Variants in MKS1 observed in about 807,000 individuals in gnomAD.
MKS1 encodes the protein tectonic-like complex member MKS1.
MKS1 carries 70 observed loss-of-function variants against 83.7 expected under a neutral mutation model. The observed-to-expected ratio is 0.84, with a 90% confidence interval of 0.69 to 1.02. MKS1 has a LOEUF of 1.02. Ranked by LOEUF, MKS1 falls within the 50% of genes least tolerant of loss-of-function variation. MKS1 has a pLI of 0.00. For missense variants in MKS1, 681 were observed against 726.9 expected (o/e 0.94, Z 0.73); for synonymous variants, 251 against 273.4 (o/e 0.92, Z 0.81).
intron 11 of MKS1, among the ~76,000 whole-genome samples, chr17:58,210,344 C>T (rs991313332): frequency 2.0e-5 from 3 of 151,856 alleles, no homozygotes; most frequent in Non-Finnish European, 4.4e-5. Flanking sequence ...GGTACTCTCA[C>T]GGTTTAAGAT....
Position 58,214,407 on chromosome 17 carries a change from G to T in MKS1, c.516-20C>A, listed in dbSNP as rs1156897223. The T allele has an allele frequency of 6.2e-7, 1 of 1,612,464 alleles. No individual in the cohort carries two copies. Among genetic ancestry groups the T allele is most frequent in the South Asian group, 1.1e-5 (1 of 91,000 alleles). ...CCCTCCCTGGGAGACACCACAGAAA[G>T]GTCACTTCCCTGGCACACCCCAATG... is the stretch of plus-strand genomic sequence containing the variant. On this transcript the variant is annotated intron_variant, in intron 5 of 17. Coordinates refer to ENST00000393119, the MANE Select transcript of MKS1 (RefSeq NM_017777.4).
At position 58,208,122 on chromosome 17, in the gene MKS1, T is replaced by C. The variant is rs1337963181; in HGVS notation, c.1148A>G (p.His383Arg). 2.5e-6 allele frequency: 4 copies of C among 1,613,424 alleles called. No homozygotes were observed. Among genetic ancestry groups the C allele is most frequent in the Non-Finnish European group, 3.4e-6 (4 of 1,179,418 alleles). The part of the protein sequence containing the change: ...YPFTFEAFFL[H>R]EDESSDALPE... ...CTACTCACCAGAAGATTCATCCTCATGGAGGAAGAAGGCTTCAAACGTGAA... is the reference window on the plus strand; with the variant it reads ...CTACTCACCAGAAGATTCATCCTCACGGAGGAAGAAGGCTTCAAACGTGAA... The change falls in exon 13 of 18, where the codon CAT becomes CGT. Residue 383 changes from histidine to arginine, a missense_variant. Physicochemically the swap from His to Arg is conservative, Grantham distance 29. Coordinates refer to ENST00000393119, the MANE Select transcript of MKS1 (RefSeq NM_017777.4).
intron 11 of MKS1, 84 bp from the exon 12 acceptor site, chr17:58,208,667 T>A: frequency 2.2e-6 from 1 of 457,998 alleles, no homozygotes; most frequent in African/African-American, 2.2e-5. Context: ...TTTTCTTTTC[T>A]TTTTTTTTTT....
At chr17:58,218,338 C>G (rs1969360108) in intron 2 of MKS1, among the ~76,000 whole-genome samples, 2 of 150,188 alleles carry the variant, frequency 1.3e-5, no homozygotes, top group African/African-American at 2.5e-5. Flanking sequence ...GTCCCAGCTA[C>G]TCGGGAGGCT....
chr17:58,218,669 G>C lies in MKS1; in HGVS notation c.141C>G (p.Leu47=). The C allele has an allele frequency of 6.2e-7, 1 of 1,613,950 alleles. No homozygotes were observed. The highest frequency in any genetic ancestry group is 1.1e-5 in the South Asian group (1 of 91,062). ...NFLHYQPAAE[L]GKDLIDLATF... ...TGGCCAAGTCTATGAGGTCCTTCCC[G>C]AGCTCGGCAGCAGGCTGATAATGAA... The change falls in exon 2 of 18, where the codon CTC becomes CTG. Residue 47 remains leucine, a synonymous_variant. Coordinates refer to ENST00000393119, the MANE Select transcript of MKS1 (RefSeq NM_017777.4).
intron 4 of MKS1, 116 bp from the exon 5 acceptor site, chr17:58,214,954 C>G: frequency 6.8e-7 from 1 of 1,477,034 alleles, no homozygotes; most frequent in Middle Eastern, 2.2e-4. Context: ...CCACAGGTTC[C>G]GCCACCTCAC....
At chr17:58,212,242 T>C (rs1266981861) in intron 9 of MKS1, 136 bp downstream of exon 9, 5 of 1,004,476 alleles carry the variant, frequency 5.0e-6, no homozygotes, top group Middle Eastern at 2.0e-4. Context: ...AAGGACTATA[T>C]GTGCTATTCT....
At position 58,206,321 on chromosome 17, in the gene MKS1, TC is replaced by T; in HGVS notation, c.1549del (p.Glu517LysfsTer13). The part of the protein sequence containing the change: ...KRMRSVLDRL[E>X]GFSQQSSIHN... ...AATGGAACTCTGCTGGCTGAACCCT[TC>T]CAGACGGTCCAACACACTCCGCATC... On this transcript the variant is annotated frameshift_variant, in exon 17 of 18. Coordinates refer to ENST00000393119, the MANE Select transcript of MKS1 (RefSeq NM_017777.4). LOFTEE classifies it high-confidence loss of function. The T allele has an allele frequency of 6.2e-7, 1 of 1,614,024 alleles. No homozygotes were observed. The highest frequency in any genetic ancestry group is 8.5e-7 in the Non-Finnish European group (1 of 1,179,988).
Position 58,213,834 on chromosome 17 carries a change from G to A in MKS1, c.680C>T (p.Thr227Ile). 6.2e-7 allele frequency: 1 copy of A among 1,614,074 alleles called. No individual in the cohort carries two copies. Among genetic ancestry groups the A allele is most frequent in the South Asian group, 1.1e-5 (1 of 91,078 alleles). The change falls in exon 7 of 18, where the codon ACT (threonine) becomes ATT (isoleucine). Residue 227 changes from threonine to isoleucine, a missense_variant. Coordinates refer to ENST00000393119, the MANE Select transcript of MKS1 (RefSeq NM_017777.4). ...CACACCATTGCTATCCACCTTCAGAGTACACAGGACATGTTCATACTTCTT... is the reference window on the plus strand; with the variant it reads ...CACACCATTGCTATCCACCTTCAGAATACACAGGACATGTTCATACTTCTT... ...GYKKYEHVLCTLKVDSNGVIT... is the reference protein window; with the variant it reads ...GYKKYEHVLCILKVDSNGVIT...
In MKS1 at chr17:58,209,311, C is replaced by T. The variant is rs1597983778; in HGVS notation, c.1025-728G>A. Reference sequence around the variant, plus strand: ...TCATTCATTTACCATTTACTGAGTGCCTGCTATGTGCTAGTATATCTTAGG... The same window carrying T: ...TCATTCATTTACCATTTACTGAGTGTCTGCTATGTGCTAGTATATCTTAGG... On this transcript the variant is annotated intron_variant, in intron 11 of 17. Transcript: ENST00000393119. The surrounding 1 kb of genome is among the most constrained non-coding windows in gnomAD (Gnocchi z 4.1). Among the ~76,000 whole-genome samples the T allele has an allele frequency of 1.3e-5, 2 of 152,150 alleles. No homozygotes were observed. The highest frequency in any genetic ancestry group is 3.8e-4 in the East Asian group (2 of 5,202).
chr17:58,216,848 T>C (rs1423993740), intron 2 of MKS1, 112 bp from the exon 3 acceptor site: 3 of 1,091,688 alleles, frequency 2.7e-6, no homozygotes, highest in Non-Finnish European at 4.1e-6. Flanking sequence ...AAAAACTAGC[T>C]GGAATTCAGC....
Position 58,210,531 on chromosome 17 carries a change from G to A in MKS1, c.1024+128C>T, listed in dbSNP as rs72839966. The A allele has an allele frequency of 0.097, 92,890 of 957,532 alleles. 4,723 individuals are homozygous for A. The highest frequency in any genetic ancestry group is 0.11 in the South Asian group (8,454 of 75,574). The allele number at this position is 957,532 out of a possible 1,614,324, so 59.3% of individuals were successfully genotyped here. A position where few individuals can be genotyped will look rare whatever the true frequency, so the allele number is the denominator to read the frequency against. On this transcript the variant is annotated intron_variant, in intron 11 of 17. Transcript: ENST00000393119. The stretch of plus-strand genomic sequence containing the variant: ...AAGTCTCCACTGGGTTTGGTAAAGT[G>A]GATGTGATCTATGACCTTGAAAAGA...
At chr17:58,216,009 A>G (rs915703746) in intron 4 of MKS1, 79 bp downstream of exon 4, 2 of 1,531,648 alleles carry the variant, frequency 1.3e-6, no homozygotes, top group Non-Finnish European at 9.0e-7. Flanking sequence ...AGGCTCTGAC[A>G]TAACACACAG....
intron 9 of MKS1, 135 bp downstream of exon 9, chr17:58,212,243 G>T: frequency 9.8e-7 from 1 of 1,020,182 alleles, no homozygotes; most frequent in Non-Finnish European, 1.5e-6. Flanking sequence ...AGGACTATAT[G>T]TGCTATTCTT....
intron 15 of MKS1, 113 bp downstream of exon 15, chr17:58,206,972 G>A (rs1968550211): frequency 6.9e-7 from 1 of 1,449,158 alleles, no homozygotes; most frequent in African/African-American, 1.4e-5. Context: ...AGGAAGGAAG[G>A]GGTTAATACT....
chr17:58,218,447 CAAAAAAAAAAAAAAAAA>C (rs67834721), intron 2 of MKS1, 156 bp downstream of exon 2: 744 of 241,000 alleles, frequency 3.1e-3, no homozygotes, highest in Non-Finnish European at 3.3e-3. Context: ...GACTCCGTCT[CAAAAAAAAAAAAAAAAA>C]AAAAAAAAAA....
rs76994902 is a variant in MKS1 at position 58,206,787 on chromosome 17, G to A, written c.1408-240C>T. 643 of 638,950 alleles carry A rather than the reference G, an allele frequency of 1.0e-3. 10 individuals are homozygous for A. In the East Asian group the frequency reaches 0.018, roughly 17 times the overall value. The allele number at this position is 638,950 out of a possible 1,614,324, so 39.6% of individuals were successfully genotyped here. A position where few individuals can be genotyped will look rare whatever the true frequency, so the allele number is the denominator to read the frequency against. Reference sequence around the variant, plus strand: ...AGCGGCGGTCTTATATGCTTACTGTGAATCCTCCCCACATCTGATTACTGA... The same window carrying A: ...AGCGGCGGTCTTATATGCTTACTGTAAATCCTCCCCACATCTGATTACTGA... On this transcript the variant is annotated intron_variant, in intron 15 of 17. Transcript: ENST00000393119.
chr17:58,211,356 TTTTC>T (rs1968866635), intron 9 of MKS1, among the ~76,000 whole-genome samples: 1 of 151,972 alleles, frequency 6.6e-6, no homozygotes, highest in Non-Finnish European at 1.5e-5. Flanking sequence ...AACCAGGGAG[TTTTC>T]TTTTTTAATT....
At chr17:58,210,570 C>T in intron 11 of MKS1, 89 bp downstream of exon 11, 1 of 1,220,834 alleles carries the variant, frequency 8.2e-7, no homozygotes, top group South Asian at 1.2e-5. Flanking sequence ...GTAACAGTTT[C>T]AGCAGAGGAG....
Sources: allele counts gnomAD v4.1 joint callset (sites outside exome capture counted in the v4.1 genomes callset), GRCh38; gene constraint gnomAD v4.1.1; non-coding constraint Gnocchi (gnomAD v3.1); transcripts MANE v1.5; gene names NCBI Gene and HGNC (gene_info 2026-07-23, HGNC 2026-07-21).